Variants in SCAMP1 observed in about 807,000 individuals in gnomAD.
SCAMP1 encodes secretory carrier-associated membrane protein 1.
SCAMP1 carries 15 observed loss-of-function variants against 41.8 expected under a neutral mutation model. The observed-to-expected ratio is 0.36, with a 90% CI of 0.24 to 0.55. The LOEUF is 0.55. Ranked by LOEUF, SCAMP1 falls within the 20% of genes least tolerant of loss-of-function variation. The pLI, the probability that SCAMP1 is intolerant of heterozygous loss-of-function variation, is 0.86. For missense variants in SCAMP1, 341 were observed against 412.6 expected, an observed-to-expected ratio of 0.83 and a Z score of 1.50; for synonymous variants, 135 against 136.8, an observed-to-expected ratio of 0.99 and a Z score of 0.09.
At position 78,476,205 on chromosome 5, in the gene SCAMP1, TTTTTC is replaced by T. The variant is rs944988086; in HGVS notation, c.*547_*551del. 1.3e-5 allele frequency: 2 copies of T among 152,428 alleles called. No homozygotes were observed. The highest frequency in any genetic ancestry group is 6.5e-5 in the Admixed American group (1 of 15,272). 9.4% of individuals were successfully genotyped at this position (152,428 alleles called of 1,614,324 possible). On this transcript the variant is annotated 3_prime_UTR_variant, in exon 9 of 9. Coordinates refer to ENST00000621999, the MANE Select transcript of SCAMP1 (RefSeq NM_004866.6). ...AGTAGATAATGTAAAATTTGTCATC[TTTTTC>T]TTTTCTTTTTTTTAGAATAGCTGAT...
rs114490502 is a variant in SCAMP1 at position 78,380,449 on chromosome 5, A to C, written c.58-8388A>C. On this transcript the variant is annotated intron_variant, in intron 1 of 8. Coordinates refer to ENST00000621999, the MANE Select transcript of SCAMP1 (RefSeq NM_004866.6). ...ATGCCTGCTTCCTTACAGCTTTGTC[A>C]GTAGAGTATGTCAGACTTTTAGATT... Among the ~76,000 whole-genome samples the C allele has an allele frequency of 8.8e-3, 1,347 of 152,340 alleles. 15 individuals are homozygous for C. The highest frequency in any genetic ancestry group is 0.031 in the African/African-American group (1,269 of 41,568).
chr5:78,370,333 A>G (rs1319932168), intron 1 of SCAMP1, among the ~76,000 whole-genome samples: 1 of 152,250 alleles, frequency 6.6e-6, no homozygotes, highest in Non-Finnish European at 1.5e-5. Context: ...GGTGTGGGAT[A>G]TAAAAGGTGA....
chr5:78,440,137 A>G (rs1187178141), intron 6 of SCAMP1, among the ~76,000 whole-genome samples: 1 of 151,862 alleles, frequency 6.6e-6, no homozygotes, highest in Non-Finnish European at 1.5e-5. Context: ...TAGCTTCGTG[A>G]TGGGTTTGAA....
chr5:78,439,419 A>G (rs923579340), intron 6 of SCAMP1, among the ~76,000 whole-genome samples: 14 of 150,296 alleles, frequency 9.3e-5, no homozygotes, highest in East Asian at 3.9e-4. Context: ...AGTGATGACA[A>G]AATCTCTCAG....
At chr5:78,364,998 A>G (rs911562037) in intron 1 of SCAMP1, among the ~76,000 whole-genome samples, 1 of 151,854 alleles carries the variant, frequency 6.6e-6, no homozygotes, top group African/African-American at 2.4e-5. Flanking sequence ...CGTTGTGCAC[A>G]TGTACCCTAG....
At chr5:78,464,323 T>C (rs1753688302) in intron 8 of SCAMP1, among the ~76,000 whole-genome samples, 1 of 152,136 alleles carries the variant, frequency 6.6e-6, no homozygotes, top group Admixed American at 6.5e-5. Context: ...TTTGTATTTT[T>C]AGTAGAGACA....
chr5:78,366,493 G>T (rs1225251578), intron 1 of SCAMP1, among the ~76,000 whole-genome samples: 1 of 152,056 alleles, frequency 6.6e-6, no homozygotes, highest in Admixed American at 6.5e-5. Context: ...TGAGAGCAGA[G>T]CCCTGCTGAC....
At chr5:78,385,232 G>A (rs892453189) in intron 1 of SCAMP1, among the ~76,000 whole-genome samples, 3 of 152,004 alleles carry the variant, frequency 2.0e-5, no homozygotes, top group Non-Finnish European at 4.4e-5. Flanking sequence ...TAGTTTATTT[G>A]TGTAATGGTG....
chr5:78,410,699 C>T (rs1752054403), intron 2 of SCAMP1, among the ~76,000 whole-genome samples: 1 of 152,262 alleles, frequency 6.6e-6, no homozygotes, highest in African/African-American at 2.4e-5. Flanking sequence ...ATTTCTGCCT[C>T]TAGATCTTTG....
intron 6 of SCAMP1, among the ~76,000 whole-genome samples, chr5:78,441,537 G>T (rs1488697658): frequency 2.0e-5 from 3 of 152,204 alleles, no homozygotes; most frequent in Admixed American, 6.5e-5. Context: ...GCTGGGTCAG[G>T]GCACGCTGGC....
intron 1 of SCAMP1, among the ~76,000 whole-genome samples, chr5:78,384,644 G>C (rs1487681173): frequency 1.3e-5 from 2 of 151,932 alleles, no homozygotes; most frequent in African/African-American, 4.8e-5. Context: ...TGCCGATTTT[G>C]CTGAGGCTTT....
At chr5:78,409,792 A>G (rs1752025703) in intron 2 of SCAMP1, among the ~76,000 whole-genome samples, 1 of 152,134 alleles carries the variant, frequency 6.6e-6, no homozygotes, top group South Asian at 2.1e-4. Context: ...AGTTTATTAT[A>G]CTTAATACTT....
At chr5:78,402,735 C>A (rs1751829961) in intron 2 of SCAMP1, among the ~76,000 whole-genome samples, 1 of 152,044 alleles carries the variant, frequency 6.6e-6, no homozygotes, top group Non-Finnish European at 1.5e-5. Flanking sequence ...GTTTTTTGAT[C>A]ATCTCATAAT....
At chr5:78,434,728 C>G (rs369900008) in intron 6 of SCAMP1, among the ~76,000 whole-genome samples, 1 of 152,124 alleles carries the variant, frequency 6.6e-6, no homozygotes, top group Non-Finnish European at 1.5e-5. Context: ...ATCATTTGCA[C>G]TTCAGAGTAA....
At chr5:78,379,044 A>AT (rs1208531626) in intron 1 of SCAMP1, among the ~76,000 whole-genome samples, 2 of 152,216 alleles carry the variant, frequency 1.3e-5, no homozygotes, top group Non-Finnish European at 2.9e-5. Context: ...TTTTATTTTG[A>AT]TTATGTTGGA....
At chr5:78,404,917 C>T (rs1372606581) in intron 2 of SCAMP1, among the ~76,000 whole-genome samples, 1 of 152,190 alleles carries the variant, frequency 6.6e-6, no homozygotes, top group African/African-American at 2.4e-5. Flanking sequence ...ATGGGTTCCC[C>T]TGTAGATTTT....
intron 6 of SCAMP1, among the ~76,000 whole-genome samples, chr5:78,447,773 T>C (rs1753087163): frequency 6.6e-6 from 1 of 150,668 alleles, no homozygotes. Context: ...AAGGCAAAAC[T>C]CCTTTTCAAA....
At chr5:78,418,722 T>C (rs1053184209) in intron 4 of SCAMP1, 53 bp from the exon 5 acceptor site, 20 of 1,157,826 alleles carry the variant, frequency 1.7e-5, no homozygotes, top group Non-Finnish European at 2.4e-5. Flanking sequence ...AAAAATAATA[T>C]CACATTTGTT....
intron 3 of SCAMP1, 24 bp downstream of exon 3, chr5:78,415,642 A>G: frequency 1.5e-6 from 2 of 1,371,464 alleles, no homozygotes; most frequent in Non-Finnish European, 2.0e-6. Flanking sequence ...AGTTGTATAA[A>G]TTCATATTGG....
Sources: gnomAD v4.1 joint callset for allele counts (sites outside exome capture counted in the v4.1 genomes callset) on GRCh38, gnomAD v4.1.1 for gene constraint, MANE v1.5 for transcripts, NCBI Gene and HGNC (gene_info 2026-07-23, HGNC 2026-07-21) for gene names.